The following EHBP1 variants were observed in gnomAD, a reference collection of about 807,000 sequenced individuals.
EHBP1 encodes EH domain binding protein 1.
A neutral mutation model predicts 144.0 loss-of-function variants in EHBP1; 55 were observed. The ratio of observed to expected loss-of-function variants is 0.38; its 90% CI spans 0.31 to 0.48. The LOEUF (loss-of-function observed/expected upper bound fraction) is 0.48, where lower values mean the gene tolerates loss of function less well. Among genes scored for constraint, EHBP1 ranks in the 20% least tolerant of loss-of-function variants. The pLI is 0.98. For missense variants in EHBP1, 1,200 were observed against 1,364.2 expected (o/e 0.88, Z 1.90); for synonymous variants, 469 against 472.7 (o/e 0.99, Z 0.10).
intron 1 of EHBP1, among the ~76,000 whole-genome samples, chr2:62,676,391 T>C (rs778124395): frequency 2.0e-5 from 3 of 152,242 alleles, no homozygotes; most frequent in South Asian, 2.1e-4. Context: ...TGAATTGACA[T>C]TGTGCTTTAT....
chr2:62,940,054 G>A, intron 10 of EHBP1: 1 of 417,278 alleles, frequency 2.4e-6, no homozygotes, highest in Non-Finnish European at 4.8e-6. Context: ...TTGATCAGAG[G>A]CACAAAGGAA....
intron 10 of EHBP1, among the ~76,000 whole-genome samples, chr2:62,901,417 T>A (rs957820203): frequency 6.6e-6 from 1 of 152,178 alleles, no homozygotes; most frequent in Admixed American, 6.6e-5. Context: ...CAAAAGAGTT[T>A]CAGGCTCAAC....
chr2:62,959,224 C>T (rs763303900), intron 14 of EHBP1, among the ~76,000 whole-genome samples: 1 of 152,152 alleles, frequency 6.6e-6, no homozygotes, highest in Non-Finnish European at 1.5e-5. Flanking sequence ...TTTTTTAAAG[C>T]TGAATGGTAT....
chr2:62,910,544 T>C (rs2152975179), intron 10 of EHBP1, among the ~76,000 whole-genome samples: 1 of 152,266 alleles, frequency 6.6e-6, no homozygotes, highest in South Asian at 2.1e-4. Flanking sequence ...TGCCTACCAT[T>C]ATATTGCCAA....
intron 13 of EHBP1, among the ~76,000 whole-genome samples, chr2:62,950,141 T>C (rs1344023808): frequency 6.6e-6 from 1 of 152,144 alleles, no homozygotes; most frequent in Non-Finnish European, 1.5e-5. Context: ...CTTTTTTTTT[T>C]TTCTGCACAG....
chr2:62,676,506 G>A (rs1278964150), intron 1 of EHBP1, among the ~76,000 whole-genome samples: 2 of 152,184 alleles, frequency 1.3e-5, no homozygotes, highest in Non-Finnish European at 2.9e-5. Context: ...CTGGGGGACT[G>A]TTTATTTGGT....
At chr2:62,841,248 C>A (rs1558772148) in intron 7 of EHBP1, among the ~76,000 whole-genome samples, 2 of 150,084 alleles carry the variant, frequency 1.3e-5, no homozygotes, top group South Asian at 2.1e-4. Flanking sequence ...GATCAAAAAA[C>A]CAAACACCGC....
intron 19 of EHBP1, among the ~76,000 whole-genome samples, chr2:63,032,306 C>T (rs1200858722): frequency 6.7e-6 from 1 of 150,156 alleles, no homozygotes; most frequent in African/African-American, 2.4e-5. Flanking sequence ...CGGTGCCTCA[C>T]GCCTGTAATC....
intron 5 of EHBP1, among the ~76,000 whole-genome samples, chr2:62,778,782 C>A (rs191995805): frequency 6.6e-5 from 10 of 152,220 alleles, no homozygotes; most frequent in Admixed American, 3.9e-4. Flanking sequence ...ATCTCTTGAT[C>A]TCGCAAAATA....
chr2:62,830,344 T>C (rs13026938), intron 6 of EHBP1, among the ~76,000 whole-genome samples: 21 of 151,828 alleles, frequency 1.4e-4, no homozygotes, highest in Admixed American at 1.4e-3. Flanking sequence ...CCATGTTGGT[T>C]AGGCTGGTCT....
intron 5 of EHBP1, among the ~76,000 whole-genome samples, chr2:62,823,223 T>C (rs1178066009): frequency 6.6e-6 from 1 of 152,152 alleles, no homozygotes; most frequent in Non-Finnish European, 1.5e-5. Flanking sequence ...GCTTTAGGGA[T>C]TTTGAACTAA....
intron 8 of EHBP1, among the ~76,000 whole-genome samples, chr2:62,859,686 G>A (rs2049351398): frequency 6.6e-6 from 1 of 152,180 alleles, no homozygotes; most frequent in African/African-American, 2.4e-5. Flanking sequence ...CTCTAGCAGA[G>A]AATTAGTAGT....
At chr2:62,709,275 G>C (rs1396173671) in intron 2 of EHBP1, among the ~76,000 whole-genome samples, 3 of 152,114 alleles carry the variant, frequency 2.0e-5, no homozygotes, top group African/African-American at 7.2e-5. Context: ...GCAAGATGGG[G>C]ATGAGGGAGA....
In EHBP1 at chr2:62,990,723, C is replaced by G; in HGVS notation, c.2616C>G (p.Asn872Lys). 4 of 1,613,720 alleles carry G rather than the reference C, an allele frequency of 2.5e-6. No homozygotes were observed. The South Asian group carries it at 3.3e-5, about 13-fold the overall frequency. Reference sequence around the variant, plus strand: ...TATTTGCATATTTAACAGAACAAAACAGTAAGTTGGTGGACTTGAAGCTGA... The same window carrying G: ...TATTTGCATATTTAACAGAACAAAAGAGTAAGTTGGTGGACTTGAAGCTGA... ...KERSKASGEQ[N>K]SKLVDLKLKK... is the part of the protein sequence containing the mutation. Residue 872 changes from asparagine (N) to lysine (K), a missense_variant, in exon 16 of 23, where the codon AAC (asparagine) becomes AAG (lysine). Asn to Lys is a moderately conservative substitution (Grantham distance 94). Coordinates refer to ENST00000431489, the MANE Select transcript of EHBP1 (RefSeq NM_001142616.3).
intron 8 of EHBP1, among the ~76,000 whole-genome samples, chr2:62,859,929 A>G (rs546964865): frequency 2.6e-5 from 4 of 152,296 alleles, no homozygotes; most frequent in South Asian, 4.2e-4. Flanking sequence ...AGAATGATTA[A>G]CTACTGTTTA....
intron 7 of EHBP1, among the ~76,000 whole-genome samples, chr2:62,839,944 C>T (rs2152709591): frequency 6.6e-6 from 1 of 152,210 alleles, no homozygotes; most frequent in African/African-American, 2.4e-5. Context: ...ATGCCATCCC[C>T]ATCAAGGTAC....
At chr2:62,863,264 AACAG>A (rs1212972379) in intron 8 of EHBP1, among the ~76,000 whole-genome samples, 2 of 151,466 alleles carry the variant, frequency 1.3e-5, no homozygotes, top group Admixed American at 1.3e-4. Context: ...CAGCCTGGGC[AACAG>A]AGTGAGACTC....
At chr2:62,716,804 G>A (rs1365755741) in intron 2 of EHBP1, among the ~76,000 whole-genome samples, 12 of 152,208 alleles carry the variant, frequency 7.9e-5, no homozygotes, top group Non-Finnish European at 1.6e-4. Flanking sequence ...CCTGGCAACT[G>A]CCTGAATAGT....
At chr2:62,888,066 G>T (rs533711555) in intron 10 of EHBP1, among the ~76,000 whole-genome samples, 5 of 152,288 alleles carry the variant, frequency 3.3e-5, no homozygotes, top group African/African-American at 1.2e-4. Flanking sequence ...CTAGGGTGAG[G>T]CAAGAGAAAT....
Sources: allele counts gnomAD v4.1 joint callset (sites outside exome capture counted in the v4.1 genomes callset), GRCh38; gene constraint gnomAD v4.1.1; transcripts MANE v1.5; gene names NCBI Gene and HGNC (gene_info 2026-07-23, HGNC 2026-07-21).